PICK1: variants seen among roughly 807,000 people sequenced by gnomAD.
PICK1 encodes the protein protein interacting with PRKCA 1.
Under a neutral mutation model 48.9 loss-of-function variants are expected in PICK1, and 23 were observed. The ratio of observed to expected loss-of-function variants is 0.47; its 90% CI spans 0.34 to 0.67. The LOEUF (loss-of-function observed/expected upper bound fraction) is 0.67. PICK1 is among the 30% of genes least tolerant of loss of function. The pLI is 0.01. For synonymous variants in PICK1, 217 were observed against 228.2 expected, an observed-to-expected ratio of 0.95 and a Z score of 0.44; for missense variants, 423 against 557.1, an observed-to-expected ratio of 0.76 and a Z score of 2.42.
At chr22:38,060,159 T>C (rs763525792) in intron 3 of PICK1, among the ~76,000 whole-genome samples, 29 of 152,280 alleles carry the variant, frequency 1.9e-4, no homozygotes, top group Middle Eastern at 3.4e-3. Context: ...TGCAGTGAGC[T>C]GAGATCACGC....
At chr22:38,069,867 T>G (rs1036811023) in intron 6 of PICK1, among the ~76,000 whole-genome samples, 5 of 152,232 alleles carry the variant, frequency 3.3e-5, no homozygotes, top group Admixed American at 2.0e-4. Context: ...TAGAACTGGT[T>G]GTTGTGTTTT....
chr22:38,067,673 G>A (rs781722895), intron 4 of PICK1, 31 bp from the exon 5 acceptor site: 44 of 1,600,372 alleles, frequency 2.7e-5, no homozygotes, highest in Non-Finnish European at 3.6e-5. Flanking sequence ...GTGGAGCCTC[G>A]CTCACTAGTC....
intron 9 of PICK1, 101 bp downstream of exon 9, chr22:38,072,711 C>G (rs577527795): frequency 4.4e-5 from 66 of 1,509,614 alleles, no homozygotes; most frequent in Non-Finnish European, 5.7e-5. Context: ...TGCCTGGGTA[C>G]AGCCTCTGGC....
In PICK1 at chr22:38,066,750, A is replaced by G. The variant is rs1468949409; in HGVS notation, c.283-954A>G. Among the ~76,000 whole-genome samples the G allele has an allele frequency of 6.6e-6, 1 of 152,186 alleles. No individual in the cohort carries two copies. The highest frequency in any genetic ancestry group is 2.4e-5 in the African/African-American group (1 of 41,452). ...TTTCCCTTTGGGACTTGATTTTAAA[A>G]TCCTGTTTTATATTTGGATGAATGT... On this transcript the variant is annotated intron_variant, in intron 4 of 12. Coordinates refer to ENST00000356976, the MANE Select transcript of PICK1 (RefSeq NM_012407.4). The surrounding 1 kb of genome is among the most constrained non-coding windows in gnomAD (Gnocchi z 4.1).
chr22:38,072,558 C>T lies in PICK1; in HGVS notation c.638C>T (p.Ala213Val). Residue 213 changes from alanine to valine, a missense_variant, in exon 9 of 13, where the codon GCC becomes GTC. Physicochemically the swap from Ala to Val is moderately conservative, Grantham distance 64. Transcript: ENST00000356976. ...GAGGCTTTTGTGAAGTTCGCCGATG[C>T]CCACCGCAGCATCGAGAAGTTCGGC... Reference protein sequence around the residue: ...ASEAFVKFADAHRSIEKFGIR... With the variant: ...ASEAFVKFADVHRSIEKFGIR... 6.2e-7 allele frequency: 1 copy of T among 1,613,406 alleles called. No homozygotes were observed. Among genetic ancestry groups the T allele is most frequent in the South Asian group, 1.1e-5 (1 of 91,082 alleles).
chr22:38,071,886 G>C, intron 8 of PICK1, 142 bp downstream of exon 8: 1 of 750,794 alleles, frequency 1.3e-6, no homozygotes, highest in East Asian at 2.6e-5. Flanking sequence ...TGGGATTTGC[G>C]ATGGGCCTGC....
Position 38,075,246 on chromosome 22 carries a change from C to G in PICK1, c.*114C>G. ...ATAAAGGCCTGCTGGCTTGGGGCGC[C>G]TGCCTCCCTGCTCCTCTGTCCTCGC... On this transcript the variant is annotated 3_prime_UTR_variant, in exon 13 of 13. Coordinates refer to ENST00000356976, the MANE Select transcript of PICK1 (RefSeq NM_012407.4). 9.9e-7 allele frequency: 1 copy of G among 1,006,598 alleles called. No homozygotes were observed. The highest frequency in any genetic ancestry group is 1.4e-6 in the Non-Finnish European group (1 of 704,006). The allele number at this position is 1,006,598 out of a possible 1,614,324, so 62.4% of individuals were successfully genotyped here. A position where few individuals can be genotyped will look rare whatever the true frequency, so the allele number is the denominator to read the frequency against.
intron 6 of PICK1, 128 bp from the exon 7 acceptor site, chr22:38,070,710 C>T (rs1257688372): frequency 2.5e-6 from 2 of 799,508 alleles, no homozygotes. Context: ...AAATCCCCCT[C>T]CCTGGGACCC....
At position 38,065,391 on chromosome 22, in the gene PICK1, C is replaced by T. The variant is rs375393799; in HGVS notation, c.282+261C>T. Reference sequence around the variant, plus strand: ...AGACCACAAGGTCCCCATGAGCTCCCAGGGAGCTGACAGACTTGGAACCAC... The same window carrying T: ...AGACCACAAGGTCCCCATGAGCTCCTAGGGAGCTGACAGACTTGGAACCAC... On this transcript the variant is annotated intron_variant, in intron 4 of 12. Coordinates refer to ENST00000356976, the MANE Select transcript of PICK1 (RefSeq NM_012407.4). Among the ~76,000 whole-genome samples the T allele has an allele frequency of 7.2e-5, 11 of 152,280 alleles. No individual in the cohort carries two copies. In the East Asian group the frequency reaches 2.1e-3, roughly 29 times the overall value.
Position 38,074,788 on chromosome 22 carries a change from G to C in PICK1, c.980-76G>C. ...CCAGGGGAGGCGAGAGGTGGGCCGG[G>C]TGGGCTGGGAGAGTCTCCTCCCTGA... On this transcript the variant is annotated intron_variant, in intron 12 of 12. Coordinates refer to ENST00000356976, the MANE Select transcript of PICK1 (RefSeq NM_012407.4). This position sits in a 1 kb window ranked among gnomAD's most constrained non-coding sequence, Gnocchi z 4.5. 1 of 1,571,158 alleles carries C rather than the reference G, an allele frequency of 6.4e-7. No individual in the cohort carries two copies. The highest frequency in any genetic ancestry group is 1.1e-5 in the South Asian group (1 of 89,526).
rs1030783760 is a variant in PICK1, at chr22:38,058,988, C to T, written c.42-246C>T. The stretch of plus-strand genomic sequence containing the variant: ...CGCCATTGCACTCTAGCCTGGGCAA[C>T]AAGAGTAAGACTCCATCTCAAAAAA... On this transcript the variant is annotated intron_variant, in intron 2 of 12. Transcript: ENST00000356976. Among the ~76,000 whole-genome samples, 9 of 152,106 alleles carry T rather than the reference C, an allele frequency of 5.9e-5. No individual in the cohort carries two copies. In the East Asian group the frequency reaches 1.3e-3, roughly 23 times the overall value.
At position 38,059,375 on chromosome 22, in the gene PICK1, G is replaced by A. The variant is rs554008004; in HGVS notation, c.153+30G>A. Reference sequence around the variant, plus strand: ...TGGGCGCTTTGGAGGGGGGCACAAGGTACATCCCTACTTGGGCATGACAAA... The same window carrying A: ...TGGGCGCTTTGGAGGGGGGCACAAGATACATCCCTACTTGGGCATGACAAA... On this transcript the variant is annotated intron_variant, in intron 3 of 12. Coordinates refer to ENST00000356976, the MANE Select transcript of PICK1 (RefSeq NM_012407.4). The A allele has an allele frequency of 4.5e-5, 62 of 1,392,414 alleles. 1 individual carries two copies. In the South Asian group the frequency reaches 6.8e-4, roughly 15 times the overall value. The allele number at this position is 1,392,414 out of a possible 1,614,324, so 86.3% of individuals were successfully genotyped here.
At position 38,059,262 on chromosome 22, in the gene PICK1, A is replaced by G; in HGVS notation, c.70A>G (p.Thr24Ala). The G allele has an allele frequency of 6.3e-7, 1 of 1,584,874 alleles. No homozygotes were observed. The highest frequency in any genetic ancestry group is 1.2e-5 in the South Asian group (1 of 86,534). The change falls in exon 3 of 13, where the codon ACC (threonine) becomes GCC (alanine). Residue 24 changes from threonine (T) to alanine (A), a missense_variant. Transcript: ENST00000356976. ...LGIPTVPGKV[T>A]LQKDAQNLIG... ...AATCCCGACTGTGCCTGGGAAGGTG[A>G]CCCTGCAGAAGGATGCTCAGAACCT...
In PICK1 at chr22:38,074,931, C is replaced by A; in HGVS notation, c.1047C>A (p.Tyr349Ter). The A allele has an allele frequency of 6.2e-7, 1 of 1,613,662 alleles. No individual in the cohort carries two copies. Among genetic ancestry groups the A allele is most frequent in the Non-Finnish European group, 8.5e-7 (1 of 1,180,014 alleles). ...TGTCCAAGTACTACAACGACTGCTA[C>A]GCAGTGCTGCGGGATGCCGACGTCT... ...STMSKYYNDC[Y>*]AVLRDADVFP... is the part of the protein sequence containing the mutation. The change falls in exon 13 of 13, where the codon TAC (tyrosine) becomes TAA (stop). Residue 349 changes from tyrosine to a stop codon, truncating the protein, a stop_gained. Coordinates refer to ENST00000356976, the MANE Select transcript of PICK1 (RefSeq NM_012407.4). LOFTEE classifies it high-confidence loss of function. The surrounding 1 kb of genome is among the most constrained non-coding windows in gnomAD (Gnocchi z 4.5).
At position 38,075,443 on chromosome 22, in the gene PICK1, G is replaced by A; in HGVS notation, c.*311G>A. 2.8e-6 allele frequency: 1 copy of A among 357,664 alleles called. No individual in the cohort carries two copies. Among genetic ancestry groups the A allele is most frequent in the Non-Finnish European group, 5.2e-6 (1 of 193,990 alleles). The allele number at this position is 357,664 out of a possible 1,614,324, so 22.2% of individuals were successfully genotyped here. A position where few individuals can be genotyped will look rare whatever the true frequency, so the allele number is the denominator to read the frequency against. On this transcript the variant is annotated 3_prime_UTR_variant, in exon 13 of 13. Transcript: ENST00000356976. ...GGCAGGAAGGAAAAGAAAGGACTTG[G>A]AGGTGGCAGGAGTCCGAGCCCTGCT...
At position 38,057,750 on chromosome 22, in the gene PICK1, C is replaced by G; in HGVS notation, c.-57-3C>G. The G allele has an allele frequency of 6.8e-7, 1 of 1,479,756 alleles. No homozygotes were observed. The highest frequency in any genetic ancestry group is 9.5e-7 in the Non-Finnish European group (1 of 1,057,682). The allele number at this position is 1,479,756 out of a possible 1,614,324, so 91.7% of individuals were successfully genotyped here. On this transcript the variant is annotated splice_polypyrimidine_tract_variant and splice_region_variant and intron_variant, in intron 1 of 12. Transcript: ENST00000356976. ...CCTATGCTCCTTTCTCTCCCGGATC[C>G]AGTTCCCCATTCCCCTACCGAGCTG...
Position 38,074,502 on chromosome 22 carries a change from CTG to C in PICK1, c.979+52_979+53del, listed in dbSNP as rs201678905. The C allele has an allele frequency of 0.044, 70,790 of 1,606,818 alleles. 1,717 individuals carry two copies. The highest frequency in any genetic ancestry group is 0.049 in the South Asian group (4,391 of 90,216). On this transcript the variant is annotated intron_variant, in intron 12 of 12. Coordinates refer to ENST00000356976, the MANE Select transcript of PICK1 (RefSeq NM_012407.4). This position sits in a 1 kb window ranked among gnomAD's most constrained non-coding sequence, Gnocchi z 4.5. Reference sequence around the variant, plus strand: ...GCTCTCCATTTCAGAGGTGGGAAAACTGAGGCCCAGAGGGGTACTCTCAGGGC... The same window carrying C: ...GCTCTCCATTTCAGAGGTGGGAAAACAGGCCCAGAGGGGTACTCTCAGGGC...
chr22:38,075,314 T>C lies in PICK1; in HGVS notation c.*182T>C, dbSNP rs2085815452. 4.8e-6 allele frequency: 3 copies of C among 626,092 alleles called. No individual in the cohort carries two copies. Among genetic ancestry groups the C allele is most frequent in the South Asian group, 2.0e-5 (1 of 48,878 alleles). 38.8% of individuals were successfully genotyped at this position (626,092 alleles called of 1,614,324 possible). A position where few individuals can be genotyped will look rare whatever the true frequency, so the allele number is the denominator to read the frequency against. ...CTGCCCAGGACAGGCACCAGGGTCA[T>C]GGCCTGGGACCTGGACACTGGCCCC... On this transcript the variant is annotated 3_prime_UTR_variant, in exon 13 of 13. Coordinates refer to ENST00000356976, the MANE Select transcript of PICK1 (RefSeq NM_012407.4).
intron 8 of PICK1, 192 bp downstream of exon 8, chr22:38,071,936 C>G (rs13054174): frequency 0.017 from 11,006 of 650,204 alleles, 178 homozygotes; most frequent in South Asian, 0.042. Context: ...AGGGCCGCAA[C>G]GATGAACAGG....
Sources: gnomAD v4.1 joint callset for allele counts (sites outside exome capture counted in the v4.1 genomes callset) on GRCh38, gnomAD v4.1.1 for gene constraint, Gnocchi (gnomAD v3.1) non-coding constraint, MANE v1.5 for transcripts, NCBI Gene and HGNC (gene_info 2026-07-23, HGNC 2026-07-21) for gene names.